SHISA9: variants seen among roughly 807,000 people sequenced by gnomAD.
The protein encoded by SHISA9 is shisa family member 9, also known as protein shisa-9.
SHISA9 carries 13 observed loss-of-function variants against 38.0 expected under a neutral mutation model. That is an observed-to-expected ratio of 0.34 (90% CI 0.22 to 0.54). SHISA9 has a LOEUF of 0.54. SHISA9 is among the 20% of genes least tolerant of loss of function. The pLI is 0.91. For missense variants in SHISA9, 538 were observed against 575.8 expected (o/e 0.93, Z 0.67); for synonymous variants, 275 against 242.0 (o/e 1.14, Z -1.27).
intron 2 of SHISA9, among the ~76,000 whole-genome samples, chr16:13,202,098 T>C (rs1213922377): frequency 1.7e-5 from 2 of 115,500 alleles, no homozygotes; most frequent in Non-Finnish European, 3.7e-5. Context: ...TCGCCTCCTG[T>C]CTATCCATCC....
In SHISA9 at chr16:13,235,997, A is replaced by G. The variant is rs935646691; in HGVS notation, c.*588A>G. The G allele has an allele frequency of 1.3e-5, 2 of 152,440 alleles. No homozygotes were observed. The highest frequency in any genetic ancestry group is 4.8e-5 in the African/African-American group (2 of 41,450). The allele number at this position is 152,440 out of a possible 1,614,324, so 9.4% of individuals were successfully genotyped here. ...ACGTGGACGTAAAATTTTGACGAGC[A>G]TGAAACAGTAACTGGACCCCAACCA... On this transcript the variant is annotated 3_prime_UTR_variant, in exon 5 of 5. Transcript: ENST00000558583.
chr16:13,042,922 A>G (rs1041558860), intron 2 of SHISA9, among the ~76,000 whole-genome samples: 4 of 152,230 alleles, frequency 2.6e-5, no homozygotes, highest in Non-Finnish European at 5.9e-5. Flanking sequence ...TATTTATAGA[A>G]TAAACTAATT....
At chr16:13,030,508 C>A (rs773562595) in intron 2 of SHISA9, among the ~76,000 whole-genome samples, 1 of 152,152 alleles carries the variant, frequency 6.6e-6, no homozygotes, top group African/African-American at 2.4e-5. Context: ...CTAACTTCCC[C>A]GTTCCCCTTT....
At chr16:13,217,005 C>T (rs746249186) in intron 4 of SHISA9, among the ~76,000 whole-genome samples, 12 of 152,094 alleles carry the variant, frequency 7.9e-5, no homozygotes, top group Non-Finnish European at 1.5e-4. Flanking sequence ...GGCGCGGTGG[C>T]TCACGCCTGT....
chr16:13,094,075 CT>C (rs966375658), intron 2 of SHISA9, among the ~76,000 whole-genome samples: 13 of 152,254 alleles, frequency 8.5e-5, no homozygotes, highest in African/African-American at 3.1e-4. Context: ...TGTCTTGGTA[CT>C]TTTCCATTCT....
intron 4 of SHISA9, among the ~76,000 whole-genome samples, chr16:13,216,533 C>A (rs942669503): frequency 6.6e-6 from 1 of 152,158 alleles, no homozygotes; most frequent in East Asian, 1.9e-4. Context: ...TTTAACCCAC[C>A]ATTTCCCAAA....
the SHISA9 span, among the ~76,000 whole-genome samples, chr16:13,416,087 A>G: frequency 8.5e-5 from 13 of 152,210 alleles, no homozygotes; most frequent in Non-Finnish European, 1.5e-4. Flanking sequence ...TCACCAAGCT[A>G]TACTCATAAC....
intron 2 of SHISA9, among the ~76,000 whole-genome samples, chr16:13,078,253 C>G (rs961027746): frequency 6.6e-6 from 1 of 152,234 alleles, no homozygotes; most frequent in African/African-American, 2.4e-5. Context: ...AAATGGCATA[C>G]TATTTGCATA....
At chr16:13,465,350 A>C in the SHISA9 span, among the ~76,000 whole-genome samples, 1 of 152,214 alleles carries the variant, frequency 6.6e-6, no homozygotes, top group Non-Finnish European at 1.5e-5. Context: ...AATGAAGTTG[A>C]ACGTGGGGCA....
the SHISA9 span, among the ~76,000 whole-genome samples, chr16:13,288,807 A>G: frequency 6.6e-6 from 1 of 152,132 alleles, no homozygotes. Context: ...AAACAAAAAC[A>G]AAAACAACCT....
the SHISA9 span, among the ~76,000 whole-genome samples, chr16:13,522,627 G>C: frequency 0.66 from 100,652 of 151,990 alleles, 33,941 homozygotes; most frequent in East Asian, 0.99. Flanking sequence ...CTGATTCTCC[G>C]TCTTTATTAT....
At chr16:13,174,095 G>A (rs1045820610) in intron 2 of SHISA9, among the ~76,000 whole-genome samples, 1 of 152,096 alleles carries the variant, frequency 6.6e-6, no homozygotes, top group African/African-American at 2.4e-5. Context: ...CGGCTGGACT[G>A]GTTGATCTCC....
chr16:13,484,033 G>T, the SHISA9 span, among the ~76,000 whole-genome samples: 1 of 152,172 alleles, frequency 6.6e-6, no homozygotes, highest in African/African-American at 2.4e-5. Flanking sequence ...CTGGTGTCTG[G>T]GGTAGGGGTG....
intron 3 of SHISA9, among the ~76,000 whole-genome samples, chr16:13,210,721 G>A (rs972384823): frequency 2.6e-5 from 4 of 152,184 alleles, no homozygotes; most frequent in Non-Finnish European, 5.9e-5. Context: ...ACACCTCTGA[G>A]GGAGGCATCA....
chr16:13,159,810 G>A (rs534583901), intron 2 of SHISA9, among the ~76,000 whole-genome samples: 3 of 152,240 alleles, frequency 2.0e-5, no homozygotes, highest in African/African-American at 7.2e-5. Flanking sequence ...GATTAATTCC[G>A]CAGAAACTTC....
the SHISA9 span, among the ~76,000 whole-genome samples, chr16:13,359,963 G>A: frequency 1.3e-5 from 2 of 152,214 alleles, no homozygotes; most frequent in Admixed American, 6.5e-5. Context: ...AGTTTCATCT[G>A]TGCATGCCCC....
At chr16:12,909,339 C>T in intron 1 of SHISA9, 8 of 985,432 alleles carry the variant, frequency 8.1e-6, no homozygotes, top group Non-Finnish European at 9.6e-6. Flanking sequence ...GCCCATTGCC[C>T]TTGCATTTTT....
At chr16:13,015,451 TG>T (rs1435655042) in intron 2 of SHISA9, among the ~76,000 whole-genome samples, 3 of 152,256 alleles carry the variant, frequency 2.0e-5, no homozygotes, top group Non-Finnish European at 4.4e-5. Flanking sequence ...AACTGATGAG[TG>T]GGAGATCCGA....
At chr16:13,261,072 A>G in the SHISA9 span, among the ~76,000 whole-genome samples, 1 of 152,146 alleles carries the variant, frequency 6.6e-6, no homozygotes, top group Non-Finnish European at 1.5e-5. Flanking sequence ...CCATGATTCA[A>G]TTACCTCTGC....
Sources: allele counts gnomAD v4.1 joint callset (sites outside exome capture counted in the v4.1 genomes callset), GRCh38; gene constraint gnomAD v4.1.1; transcripts MANE v1.5; gene names NCBI Gene and HGNC (gene_info 2026-07-23, HGNC 2026-07-21).